EPHA6: variants seen among roughly 807,000 people sequenced by gnomAD.
The protein encoded by EPHA6 is ephrin type-A receptor 6.
A neutral mutation model predicts 112.0 loss-of-function variants in EPHA6; 50 were observed. The ratio of observed to expected loss-of-function variants is 0.45; its 90% CI spans 0.36 to 0.56. The LOEUF (loss-of-function observed/expected upper bound fraction) is 0.56. EPHA6 is among the 20% of genes least tolerant of loss of function. The probability of loss-of-function intolerance (pLI) is 0.00; values close to 1 mark genes in which losing one functional copy is unlikely to be tolerated. For synonymous variants in EPHA6, 529 were observed against 490.7 expected (o/e 1.08, Z -1.03); for missense variants, 1,280 against 1,417.4 (o/e 0.90, Z 1.56).
intron 11 of EPHA6, among the ~76,000 whole-genome samples, chr3:97,589,152 TC>T (rs1390686230): frequency 4.6e-5 from 7 of 151,418 alleles, no homozygotes; most frequent in African/African-American, 1.2e-4. Context: ...TGCGATTTTT[TC>T]TTTTCTTCTC....
intron 14 of EPHA6, among the ~76,000 whole-genome samples, chr3:97,638,416 T>G (rs2093970065): frequency 6.6e-6 from 1 of 152,152 alleles, no homozygotes; most frequent in African/African-American, 2.4e-5. Flanking sequence ...AATAGAGTTC[T>G]GTGTATCTAA....
chr3:97,486,583 A>G (rs1169040968), intron 10 of EPHA6, among the ~76,000 whole-genome samples: 1 of 152,132 alleles, frequency 6.6e-6, no homozygotes, highest in African/African-American at 2.4e-5. Context: ...GGTGAGGGAG[A>G]GAAAAAGGGG....
At chr3:96,829,949 G>GCGCGCACACA (rs373416797) in intron 1 of EPHA6, among the ~76,000 whole-genome samples, 35 of 136,068 alleles carry the variant, frequency 2.6e-4, no homozygotes, top group Admixed American at 1.4e-3. Context: ...GCGCGCGCGC[G>GCGCGCACACA]CACACACACA....
chr3:97,555,300 G>C (rs1470476761), intron 11 of EPHA6, among the ~76,000 whole-genome samples: 1 of 152,058 alleles, frequency 6.6e-6, no homozygotes, highest in Non-Finnish European at 1.5e-5. Flanking sequence ...TGGTGTATAT[G>C]TGCCACATTT....
At chr3:97,213,778 C>T (rs1186540308) in intron 3 of EPHA6, among the ~76,000 whole-genome samples, 2 of 152,090 alleles carry the variant, frequency 1.3e-5, no homozygotes, top group East Asian at 3.8e-4. Context: ...AAAGAGGATG[C>T]CATGTGCTTA....
At chr3:97,549,646 A>G (rs532955398) in intron 11 of EPHA6, among the ~76,000 whole-genome samples, 1 of 152,010 alleles carries the variant, frequency 6.6e-6, no homozygotes, top group South Asian at 2.1e-4. Flanking sequence ...TTTGTTTACA[A>G]TGTTGAAATA....
At chr3:97,388,402 A>C (rs761497968) in intron 5 of EPHA6, among the ~76,000 whole-genome samples, 1 of 152,162 alleles carries the variant, frequency 6.6e-6, no homozygotes, top group Non-Finnish European at 1.5e-5. Context: ...TTACTTCTAT[A>C]TGTACAAAGG....
chr3:97,480,486 C>CG (rs2091500111), intron 9 of EPHA6, among the ~76,000 whole-genome samples: 2 of 152,078 alleles, frequency 1.3e-5, no homozygotes, highest in Admixed American at 1.3e-4. Context: ...CATCTTGCAC[C>CG]GCCCTTAATC....
rs1351237013 is a variant in EPHA6, at chr3:97,756,266, A to T, written c.*7565A>T. ...CAAAATTGTAGCCTTTAGAAGCTCT[A>T]TAACAAAAATCAATGGCCAATAACT... On this transcript the variant is annotated 3_prime_UTR_variant, in exon 18 of 18. Coordinates refer to ENST00000389672, the MANE Select transcript of EPHA6 (RefSeq NM_001080448.3). Among the ~76,000 whole-genome samples, 1 of 151,984 alleles carries T rather than the reference A, an allele frequency of 6.6e-6. No homozygotes were observed. The highest frequency in any genetic ancestry group is 6.5e-5 in the Admixed American group (1 of 15,268).
rs924488115 is a variant in EPHA6 at position 97,269,320 on chromosome 3, A to G, written c.1606+25033A>G. Reference sequence around the variant, plus strand: ...TTCTTCTCCATTGTCCCATTTGTCAATTACTCCAGGTATCCATTTCTTGAT... The same window carrying G: ...TTCTTCTCCATTGTCCCATTTGTCAGTTACTCCAGGTATCCATTTCTTGAT... On this transcript the variant is annotated intron_variant, in intron 5 of 17. Coordinates refer to ENST00000389672, the MANE Select transcript of EPHA6 (RefSeq NM_001080448.3). Among the ~76,000 whole-genome samples, 5 of 152,096 alleles carry G rather than the reference A, an allele frequency of 3.3e-5. No homozygotes were observed. The East Asian group carries it at 7.7e-4, about 24-fold the overall frequency.
At chr3:97,517,755 C>T (rs1016908023) in intron 10 of EPHA6, among the ~76,000 whole-genome samples, 2 of 152,044 alleles carry the variant, frequency 1.3e-5, no homozygotes, top group African/African-American at 4.8e-5. Context: ...CCACCGGTGC[C>T]CCCACCCCAC....
intron 3 of EPHA6, among the ~76,000 whole-genome samples, chr3:97,178,614 A>C (rs946016746): frequency 6.6e-6 from 1 of 152,034 alleles, no homozygotes; most frequent in Admixed American, 6.6e-5. Context: ...TTTTCACCAG[A>C]TATACTATTC....
intron 5 of EPHA6, among the ~76,000 whole-genome samples, chr3:97,344,187 G>A (rs1470821544): frequency 6.6e-6 from 1 of 152,118 alleles, no homozygotes; most frequent in African/African-American, 2.4e-5. Flanking sequence ...TTAGACATTA[G>A]GATTGATGCT....
chr3:97,669,116 T>A (rs2030503262), intron 14 of EPHA6, among the ~76,000 whole-genome samples: 1 of 151,884 alleles, frequency 6.6e-6, no homozygotes, highest in Non-Finnish European at 1.5e-5. Context: ...AGTTGCGAGA[T>A]CCCAAAGGTA....
chr3:96,919,575 A>G (rs943767917), intron 2 of EPHA6, among the ~76,000 whole-genome samples: 8 of 151,884 alleles, frequency 5.3e-5, no homozygotes, highest in African/African-American at 1.9e-4. Context: ...AGGAGAAACC[A>G]TCTTTTTTAA....
intron 10 of EPHA6, among the ~76,000 whole-genome samples, chr3:97,510,865 T>C (rs894009696): frequency 1.5e-4 from 23 of 152,368 alleles, no homozygotes; most frequent in African/African-American, 5.0e-4. Context: ...GACTGCTTCC[T>C]TTCTTTCAGA....
At chr3:97,137,617 T>A (rs1030518524) in intron 3 of EPHA6, among the ~76,000 whole-genome samples, 6 of 152,132 alleles carry the variant, frequency 3.9e-5, no homozygotes, top group African/African-American at 1.4e-4. Flanking sequence ...ATGCCTTTAA[T>A]ACAAAGAAAT....
chr3:97,362,635 G>C (rs1289590522), intron 5 of EPHA6, among the ~76,000 whole-genome samples: 1 of 151,768 alleles, frequency 6.6e-6, no homozygotes, highest in Non-Finnish European at 1.5e-5. Context: ...ATGTCATTTA[G>C]GTATACTTTG....
intron 7 of EPHA6, among the ~76,000 whole-genome samples, chr3:97,449,812 T>C (rs2090465220): frequency 6.6e-6 from 1 of 152,138 alleles, no homozygotes; most frequent in Non-Finnish European, 1.5e-5. Flanking sequence ...AAGTGTTTTT[T>C]GTAAGATCAT....
Sources: gnomAD v4.1 joint callset for allele counts (sites outside exome capture counted in the v4.1 genomes callset) on GRCh38, gnomAD v4.1.1 for gene constraint, MANE v1.5 for transcripts, NCBI Gene and HGNC (gene_info 2026-07-23, HGNC 2026-07-21) for gene names.